Variants in CENPP observed in about 807,000 individuals in gnomAD.
CENPP encodes centromere protein P.
CENPP carries 24 observed loss-of-function variants against 35.6 expected under a neutral mutation model. The ratio of observed to expected loss-of-function variants is 0.67; its 90% confidence interval spans 0.49 to 0.95. The LOEUF (loss-of-function observed/expected upper bound fraction) is 0.95, where lower values mean the gene tolerates loss of function less well. CENPP is among the 40% of genes least tolerant of loss of function. The pLI, the probability that CENPP is intolerant of heterozygous loss-of-function variation, is 0.00. For synonymous variants in CENPP, 120 were observed against 125.5 expected (o/e 0.96, Z 0.29); for missense variants, 332 against 345.3 (o/e 0.96, Z 0.31).
At chr9:92,471,848 C>T (rs949890838) in intron 5 of CENPP, among the ~76,000 whole-genome samples, 7 of 151,990 alleles carry the variant, frequency 4.6e-5, no homozygotes, top group African/African-American at 1.2e-4. Flanking sequence ...TTACTAGACA[C>T]AGCGTTTCGC....
chr9:92,553,314 C>T (rs1193340656), intron 5 of CENPP, among the ~76,000 whole-genome samples: 1 of 151,892 alleles, frequency 6.6e-6, no homozygotes, highest in Admixed American at 6.6e-5. Flanking sequence ...GTGACTGTGG[C>T]CTTATAGTTT....
intron 5 of CENPP, among the ~76,000 whole-genome samples, chr9:92,450,309 T>G (rs1002584897): frequency 7.0e-6 from 1 of 143,828 alleles, no homozygotes; most frequent in Non-Finnish European, 1.5e-5. Context: ...TGTGTTCTCA[T>G]TGTTCAATTC....
At chr9:92,428,871 C>G (rs970258746) in intron 5 of CENPP, among the ~76,000 whole-genome samples, 2 of 152,158 alleles carry the variant, frequency 1.3e-5, no homozygotes, top group African/African-American at 4.8e-5. Context: ...GCTGTACCCA[C>G]ACTGGCTTCT....
intron 5 of CENPP, among the ~76,000 whole-genome samples, chr9:92,406,287 C>T (rs1204194054): frequency 6.6e-6 from 1 of 151,886 alleles, no homozygotes; most frequent in Non-Finnish European, 1.5e-5. Context: ...TTAAGAGATG[C>T]GACTAGACAG....
At chr9:92,494,182 G>T (rs1039648747) in intron 5 of CENPP, 1 of 1,587,682 alleles carries the variant, frequency 6.3e-7, no homozygotes, top group Non-Finnish European at 8.5e-7. Context: ...ATGAATGAAT[G>T]AATCGTTTAG....
At chr9:92,545,998 T>C (rs1849434852) in intron 5 of CENPP, among the ~76,000 whole-genome samples, 1 of 152,118 alleles carries the variant, frequency 6.6e-6, no homozygotes, top group Non-Finnish European at 1.5e-5. Flanking sequence ...ACCTTGTGTC[T>C]AGCTCAGGGA....
At chr9:92,406,106 G>C (rs534933242) in intron 5 of CENPP, among the ~76,000 whole-genome samples, 72 of 152,322 alleles carry the variant, frequency 4.7e-4, no homozygotes, top group African/African-American at 1.6e-3. Flanking sequence ...TCTATAGAGA[G>C]GATAGGAGAG....
chr9:92,532,013 A>ATGTTTTTT (rs1848794903), intron 5 of CENPP, among the ~76,000 whole-genome samples: 1 of 68,914 alleles, frequency 1.5e-5, no homozygotes, highest in African/African-American at 1.2e-4. Context: ...TTTTTATTTA[A>ATGTTTTTT]TGTTTTTTTT....
intron 5 of CENPP, among the ~76,000 whole-genome samples, chr9:92,484,730 C>T (rs1846015956): frequency 6.6e-6 from 1 of 152,146 alleles, no homozygotes; most frequent in South Asian, 2.1e-4. Context: ...GGATGTTGTC[C>T]ACGTCACCCA....
intron 5 of CENPP, chr9:92,456,436 G>C (rs1844880694): frequency 6.6e-6 from 1 of 152,462 alleles, no homozygotes; most frequent in South Asian, 2.1e-4. Context: ...TAGTGTCCAG[G>C]CTCTTCCAAG....
intron 5 of CENPP, among the ~76,000 whole-genome samples, chr9:92,602,835 CTT>C (rs762325837): frequency 1.6e-4 from 21 of 132,808 alleles, no homozygotes; most frequent in African/African-American, 3.5e-4. Flanking sequence ...TCAAATTAAA[CTT>C]TTTTTTTTTT....
chr9:92,338,568 A>T (rs938295180), intron 3 of CENPP, among the ~76,000 whole-genome samples: 5 of 152,234 alleles, frequency 3.3e-5, no homozygotes, highest in Admixed American at 1.3e-4. Context: ...TGAGAAAAAC[A>T]ACTTGTACGT....
chr9:92,514,875 C>T (rs757342112), intron 5 of CENPP: 1 of 1,613,520 alleles, frequency 6.2e-7, no homozygotes, highest in Admixed American at 1.7e-5. Context: ...CCTCCTCCTC[C>T]TCCCTTCCTT....
At chr9:92,398,461 A>G (rs1842981032) in intron 5 of CENPP, among the ~76,000 whole-genome samples, 1 of 152,158 alleles carries the variant, frequency 6.6e-6, no homozygotes, top group Non-Finnish European at 1.5e-5. Flanking sequence ...TTTCACAGAA[A>G]CAAGCAGATA....
intron 5 of CENPP, among the ~76,000 whole-genome samples, chr9:92,546,376 A>G (rs1421932011): frequency 6.6e-6 from 1 of 152,180 alleles, no homozygotes; most frequent in Non-Finnish European, 1.5e-5. Context: ...GCTCTTTGCA[A>G]TAAATCTTGC....
intron 5 of CENPP, among the ~76,000 whole-genome samples, chr9:92,519,596 C>G (rs1441388998): frequency 2.0e-5 from 3 of 152,142 alleles, no homozygotes; most frequent in African/African-American, 4.8e-5. Flanking sequence ...TGGGACAACA[C>G]CAGCAAGAGA....
chr9:92,477,747 C>T (rs561547115), intron 5 of CENPP, among the ~76,000 whole-genome samples: 25 of 151,970 alleles, frequency 1.6e-4, no homozygotes, highest in Non-Finnish European at 3.1e-4. Context: ...ATAAAAAACC[C>T]GCAACTCCTA....
At chr9:92,556,837 T>C (rs1349339511) in intron 5 of CENPP, among the ~76,000 whole-genome samples, 1 of 152,154 alleles carries the variant, frequency 6.6e-6, no homozygotes, top group African/African-American at 2.4e-5. Context: ...TACAGTTGCA[T>C]CCATCCTGCT....
intron 5 of CENPP, among the ~76,000 whole-genome samples, chr9:92,488,470 T>G (rs997672842): frequency 4.6e-5 from 7 of 152,254 alleles, no homozygotes; most frequent in African/African-American, 1.4e-4. Flanking sequence ...TTTTGATACA[T>G]GCCAAGTGTT....
Sources: allele counts gnomAD v4.1 joint callset (sites outside exome capture counted in the v4.1 genomes callset), GRCh38; gene constraint gnomAD v4.1.1; transcripts MANE v1.5; gene names NCBI Gene and HGNC (gene_info 2026-07-23, HGNC 2026-07-21).